The following JAKMIP2 variants were observed in gnomAD, a reference collection of about 807,000 sequenced individuals.
The protein encoded by JAKMIP2 is janus kinase and microtubule-interacting protein 2.
JAKMIP2 carries 25 observed loss-of-function variants against 115.0 expected under a neutral mutation model. The observed-to-expected ratio is 0.22, with a 90% CI of 0.16 to 0.30. The LOEUF (loss-of-function observed/expected upper bound fraction) is 0.30. Among genes scored for constraint, JAKMIP2 ranks in the 10% least tolerant of loss-of-function variants. The probability of loss-of-function intolerance (pLI) is 1.00; values close to 1 mark genes in which losing one functional copy is unlikely to be tolerated. For synonymous variants in JAKMIP2, 334 were observed against 343.6 expected, an observed-to-expected ratio of 0.97 and a Z score of 0.31; for missense variants, 642 against 957.6, an observed-to-expected ratio of 0.67 and a Z score of 4.35.
At chr5:147,687,127 C>A (rs1365921774) in intron 1 of JAKMIP2, among the ~76,000 whole-genome samples, 1 of 152,110 alleles carries the variant, frequency 6.6e-6, no homozygotes, top group Non-Finnish European at 1.5e-5. Context: ...ACTTACTCAC[C>A]TCCTACTGTG....
chr5:147,696,792 T>C (rs1752123669), intron 1 of JAKMIP2, among the ~76,000 whole-genome samples: 1 of 152,124 alleles, frequency 6.6e-6, no homozygotes, highest in Non-Finnish European at 1.5e-5. Context: ...GCTGAGGTGG[T>C]CTCAGATGGA....
intron 5 of JAKMIP2, 90 bp from the exon 6 acceptor site, chr5:147,645,086 G>T (rs1758071254): frequency 1.6e-6 from 2 of 1,221,584 alleles, no homozygotes; most frequent in Admixed American, 2.0e-5. Context: ...CACCTCTGGA[G>T]ACAGCCTTGT....
At chr5:147,749,008 G>A (rs533618362) in intron 1 of JAKMIP2, among the ~76,000 whole-genome samples, 10 of 152,208 alleles carry the variant, frequency 6.6e-5, no homozygotes, top group African/African-American at 1.9e-4. Flanking sequence ...ATGAGACAAC[G>A]AACCTCGGTT....
intron 16 of JAKMIP2, among the ~76,000 whole-genome samples, chr5:147,625,805 G>A (rs764857078): frequency 1.4e-4 from 21 of 152,136 alleles, no homozygotes; most frequent in Non-Finnish European, 2.8e-4. Context: ...TAACAGCCAA[G>A]ACTTCACCAC....
At chr5:147,617,310 T>C (rs538012187) in intron 19 of JAKMIP2, among the ~76,000 whole-genome samples, 2 of 152,282 alleles carry the variant, frequency 1.3e-5, no homozygotes, top group African/African-American at 4.8e-5. Context: ...GCAAATCACT[T>C]AAGCATTCTT....
At chr5:147,736,207 G>A (rs1419786211) in intron 1 of JAKMIP2, among the ~76,000 whole-genome samples, 3 of 152,020 alleles carry the variant, frequency 2.0e-5, no homozygotes, top group Non-Finnish European at 4.4e-5. Context: ...TGTAATCCCA[G>A]CACTTTGAGA....
chr5:147,728,666 A>G (rs4705042), intron 1 of JAKMIP2, among the ~76,000 whole-genome samples: 16,835 of 152,284 alleles, frequency 0.11, 1,150 homozygotes, highest in Middle Eastern at 0.19. Context: ...AACAAAAACT[A>G]ATGCCTTTTA....
chr5:147,588,068 T>C lies in JAKMIP2; in HGVS notation c.*3639A>G, dbSNP rs1754948362. On this transcript the variant is annotated 3_prime_UTR_variant, in exon 22 of 22. Transcript: ENST00000616793. ...TTGTAATTTTTTTCAGCAAATTCTA[T>C]TTCCTAAAAGTAGGGTGGCATTAAA... 6.6e-6 allele frequency: 1 copy of C among 152,270 alleles called. No individual in the cohort carries two copies. Among genetic ancestry groups the C allele is most frequent in the Admixed American group, 6.5e-5 (1 of 15,284 alleles). The allele number at this position is 152,270 out of a possible 1,614,324, so 9.4% of individuals were successfully genotyped here.
intron 16 of JAKMIP2, among the ~76,000 whole-genome samples, chr5:147,625,909 C>G (rs180806228): frequency 3.7e-4 from 56 of 152,260 alleles, no homozygotes; most frequent in Non-Finnish European, 7.1e-4. Flanking sequence ...TTGTAAGGAA[C>G]AGTACATAAG....
intron 21 of JAKMIP2, among the ~76,000 whole-genome samples, chr5:147,593,933 A>T (rs1174207962): frequency 2.6e-5 from 4 of 152,250 alleles, no homozygotes; most frequent in African/African-American, 4.8e-5. Flanking sequence ...AAACACAAAA[A>T]GTCTTTTACT....
At chr5:147,773,308 T>G (rs946192531) in intron 1 of JAKMIP2, among the ~76,000 whole-genome samples, 3 of 152,128 alleles carry the variant, frequency 2.0e-5, no homozygotes, top group African/African-American at 7.2e-5. Flanking sequence ...CAAACAGCAC[T>G]TAAGCACCAC....
At chr5:147,667,093 G>A (rs570036049) in intron 2 of JAKMIP2, among the ~76,000 whole-genome samples, 7 of 152,210 alleles carry the variant, frequency 4.6e-5, no homozygotes, top group East Asian at 1.9e-4. Flanking sequence ...TCTTCAGTAC[G>A]TATTGTGTTC....
chr5:147,715,324 T>C (rs986139768), intron 1 of JAKMIP2, among the ~76,000 whole-genome samples: 1 of 151,864 alleles, frequency 6.6e-6, no homozygotes, highest in Non-Finnish European at 1.5e-5. Flanking sequence ...GTATTAAATT[T>C]AGATAAATGA....
In JAKMIP2 at chr5:147,665,257, TCA is replaced by T. The variant is rs1759236666; in HGVS notation, c.130-3814_130-3813del. Among the ~76,000 whole-genome samples the T allele has an allele frequency of 2.6e-5, 4 of 152,234 alleles. No homozygotes were observed. The South Asian group carries it at 8.3e-4, about 32-fold the overall frequency. ...CATGCTACAATGGAGTTGAGTAGTT[TCA>T]CAGAGACTGTCTAGTCCACAAAGCC... On this transcript the variant is annotated intron_variant, in intron 2 of 21. Transcript: ENST00000616793.
intron 1 of JAKMIP2, among the ~76,000 whole-genome samples, chr5:147,728,949 T>C (rs1465234854): frequency 6.6e-6 from 1 of 152,224 alleles, no homozygotes; most frequent in Non-Finnish European, 1.5e-5. Flanking sequence ...TCTGGTGTCC[T>C]AGGTGCCACA....
At chr5:147,729,636 T>TGGTGGCGGGCGC in intron 1 of JAKMIP2, among the ~76,000 whole-genome samples, 1 of 151,888 alleles carries the variant, frequency 6.6e-6, no homozygotes, top group East Asian at 1.9e-4. Flanking sequence ...TAGCCGGGCG[T>TGGTGGCGGGCGC]GGTGGCGGGC....
intron 1 of JAKMIP2, among the ~76,000 whole-genome samples, chr5:147,697,400 A>C (rs1487588790): frequency 6.6e-6 from 1 of 152,254 alleles, no homozygotes; most frequent in Non-Finnish European, 1.5e-5. Context: ...TCTGGGAGAT[A>C]AAACTGAAGT....
intron 1 of JAKMIP2, among the ~76,000 whole-genome samples, chr5:147,711,311 T>C (rs1752770949): frequency 6.6e-6 from 1 of 152,222 alleles, no homozygotes; most frequent in African/African-American, 2.4e-5. Context: ...AATGCCTTAC[T>C]CTATTAATTT....
chr5:147,728,976 A>G (rs2126963310), intron 1 of JAKMIP2, among the ~76,000 whole-genome samples: 1 of 152,318 alleles, frequency 6.6e-6, no homozygotes, highest in South Asian at 2.1e-4. Context: ...ACATAATTAG[A>G]ATCACTTGCT....
Sources: gnomAD v4.1 joint callset for allele counts (sites outside exome capture counted in the v4.1 genomes callset) on GRCh38, gnomAD v4.1.1 for gene constraint, MANE v1.5 for transcripts, NCBI Gene and HGNC (gene_info 2026-07-23, HGNC 2026-07-21) for gene names.